FAAH2: variants seen among roughly 807,000 people sequenced by gnomAD.
The protein encoded by FAAH2 is fatty acid amide hydrolase 2.
In FAAH2, 60 loss-of-function variants were observed where a neutral mutation model predicts 36.9. The observed-to-expected ratio is 1.63, with a 90% CI of 1.32 to 2.02. The LOEUF is 2.02. Ranked by LOEUF, FAAH2 falls within the 30% of genes most tolerant of loss-of-function variation. The probability of loss-of-function intolerance (pLI) is 0.00; values close to 1 mark genes in which losing one functional copy is unlikely to be tolerated. For synonymous variants in FAAH2, 214 were observed against 143.8 expected, an observed-to-expected ratio of 1.49 and a Z score of -3.49; for missense variants, 689 against 397.5, an observed-to-expected ratio of 1.73 and a Z score of -6.23.
intron 2 of FAAH2, among the ~76,000 whole-genome samples, chrX:57,302,945 C>A (rs773566350): frequency 9.0e-6 from 1 of 111,014 alleles, no homozygotes; most frequent in Non-Finnish European, 1.9e-5. Context: ...TCTAGTGCTG[C>A]CCTGTGCCAC....
At chrX:57,166,866 T>A in the FAAH2 span, among the ~76,000 whole-genome samples, 3 of 111,978 alleles carry the variant, frequency 2.7e-5, no homozygotes, top group East Asian at 8.4e-4. Context: ...GACTTGATCT[T>A]CAATTACTGG....
intron 2 of FAAH2, among the ~76,000 whole-genome samples, chrX:57,294,303 G>A (rs1381154612): frequency 8.9e-6 from 1 of 112,212 alleles, no homozygotes; most frequent in Non-Finnish European, 1.9e-5. Context: ...AAATCACACA[G>A]CTACAAAATA....
chrX:57,357,280 A>C lies in FAAH2; in HGVS notation c.742+15890A>C, dbSNP rs139531883. On this transcript the variant is annotated intron_variant, in intron 5 of 10. Coordinates refer to ENST00000374900, the MANE Select transcript of FAAH2 (RefSeq NM_174912.4). ...ATTCAGGACATAGGCATGGGTAAAG[A>C]CTTCATGACTAACACACCAAAAACA... is the stretch of plus-strand genomic sequence containing the variant. Among the ~76,000 whole-genome samples the C allele has an allele frequency of 2.1e-4, 23 of 111,445 alleles. No individual in the cohort carries two copies. The East Asian group carries it at 6.2e-3, about 30-fold the overall frequency.
the FAAH2 span, among the ~76,000 whole-genome samples, chrX:57,262,602 C>A: frequency 1.4e-4 from 16 of 111,364 alleles, no homozygotes; most frequent in Non-Finnish European, 3.8e-5. Flanking sequence ...AGAACACTTT[C>A]TAACTAATTG....
the FAAH2 span, among the ~76,000 whole-genome samples, chrX:57,186,520 C>T: frequency 8.9e-6 from 1 of 111,984 alleles, no homozygotes; most frequent in African/African-American, 3.2e-5. Flanking sequence ...GTTGCCTGTT[C>T]ACTTTGATAA....
chrX:57,238,460 A>G, the FAAH2 span, among the ~76,000 whole-genome samples: 1 of 111,056 alleles, frequency 9.0e-6, no homozygotes, highest in African/African-American at 3.3e-5. Flanking sequence ...ACACATGGAC[A>G]CATAGAGGGG....
At chrX:57,233,889 G>T in the FAAH2 span, among the ~76,000 whole-genome samples, 1 of 112,356 alleles carries the variant, frequency 8.9e-6, no homozygotes, top group Non-Finnish European at 1.9e-5. Context: ...TAAGTGATCC[G>T]CCCGCCTCTG....
chrX:57,481,144 C>A (rs976878790), intron 10 of FAAH2, among the ~76,000 whole-genome samples: 2 of 110,341 alleles, frequency 1.8e-5, no homozygotes, highest in African/African-American at 6.6e-5. Flanking sequence ...TTTCCTGTAA[C>A]CTTTTATCAA....
At chrX:57,225,030 CTT>C in the FAAH2 span, among the ~76,000 whole-genome samples, 1 of 112,024 alleles carries the variant, frequency 8.9e-6, no homozygotes. Context: ...GATAGTCTCT[CTT>C]ATTTTCTTGG....
chrX:57,384,636 C>A (rs1322900850), intron 7 of FAAH2, among the ~76,000 whole-genome samples: 1 of 110,797 alleles, frequency 9.0e-6, no homozygotes, highest in Admixed American at 9.6e-5. Flanking sequence ...TACCATCTCA[C>A]ACCAGTTAGA....
the FAAH2 span, among the ~76,000 whole-genome samples, chrX:57,272,920 C>T: frequency 8.9e-6 from 1 of 111,734 alleles, no homozygotes; most frequent in African/African-American, 3.3e-5. Context: ...CAATATTAAC[C>T]GTAAATGGAA....
chrX:57,362,126 G>T (rs894604579), intron 5 of FAAH2, among the ~76,000 whole-genome samples: 4 of 110,572 alleles, frequency 3.6e-5, no homozygotes, highest in Non-Finnish European at 7.6e-5. Context: ...AAGAACAGGG[G>T]ATAAAGAAAA....
intron 7 of FAAH2, chrX:57,394,899 T>C: frequency 1.3e-6 from 1 of 784,673 alleles, no homozygotes; most frequent in Non-Finnish European, 2.0e-6. Flanking sequence ...ACTATTTTAC[T>C]GCACCCAACC....
At chrX:57,449,754 C>G (rs1286952760) in intron 10 of FAAH2, among the ~76,000 whole-genome samples, 3 of 110,873 alleles carry the variant, frequency 2.7e-5, no homozygotes, top group African/African-American at 9.9e-5. Flanking sequence ...GCAACCTCCA[C>G]CTCCTAGGTT....
intron 8 of FAAH2, among the ~76,000 whole-genome samples, chrX:57,433,101 G>A (rs1243118135): frequency 1.8e-5 from 2 of 111,368 alleles, no homozygotes; most frequent in African/African-American, 3.3e-5. Context: ...TGAGATGAAA[G>A]TTTATAATCA....
chrX:57,451,875 G>A (rs1272353958), intron 10 of FAAH2, among the ~76,000 whole-genome samples: 2 of 112,716 alleles, frequency 1.8e-5, no homozygotes, highest in East Asian at 2.8e-4. Flanking sequence ...TAATGAAAGA[G>A]AATAATCTAG....
intron 5 of FAAH2, among the ~76,000 whole-genome samples, chrX:57,352,269 A>G (rs1182628243): frequency 9.6e-6 from 1 of 104,103 alleles, no homozygotes; most frequent in Non-Finnish European, 2.0e-5. Flanking sequence ...ACATACTATG[A>G]TTAAGTGGGT....
At chrX:57,481,518 G>A (rs7881091) in intron 10 of FAAH2, among the ~76,000 whole-genome samples, 16 of 111,756 alleles carry the variant, frequency 1.4e-4, no homozygotes, top group Admixed American at 1.9e-4. Context: ...GGTCTGCTGC[G>A]GTTGCTGGAC....
chrX:57,442,363 G>T (rs1251870939), intron 8 of FAAH2, among the ~76,000 whole-genome samples: 2 of 111,612 alleles, frequency 1.8e-5, no homozygotes, highest in African/African-American at 6.5e-5. Flanking sequence ...CCATTATGGA[G>T]TGGCCTTCTT....
Sources: allele counts gnomAD v4.1 joint callset (sites outside exome capture counted in the v4.1 genomes callset), GRCh38; gene constraint gnomAD v4.1.1; transcripts MANE v1.5; gene names NCBI Gene and HGNC (gene_info 2026-07-23, HGNC 2026-07-21).